Variants in ERP44 observed in about 807,000 individuals in gnomAD.
ERP44 encodes endoplasmic reticulum protein 44.
Under a neutral mutation model 53.4 loss-of-function variants are expected in ERP44, and 25 were observed. The observed-to-expected ratio is 0.47, with a 90% confidence interval of 0.34 to 0.65. The LOEUF is 0.65. Ranked by LOEUF, ERP44 falls within the 30% of genes least tolerant of loss-of-function variation. The pLI, the probability that ERP44 is intolerant of heterozygous loss-of-function variation, is 0.01. For synonymous variants in ERP44, 145 were observed against 161.2 expected (o/e 0.90, Z 0.76); for missense variants, 338 against 493.2 (o/e 0.69, Z 2.98).
intron 2 of ERP44, among the ~76,000 whole-genome samples, chr9:100,059,075 G>A (rs1826114657): frequency 6.6e-6 from 1 of 152,068 alleles, no homozygotes; most frequent in Non-Finnish European, 1.5e-5. Context: ...TCTGATACAT[G>A]CTAAAGTTCA....
chr9:100,017,365 C>T (rs1383453986), intron 7 of ERP44, among the ~76,000 whole-genome samples: 1 of 152,156 alleles, frequency 6.6e-6, no homozygotes, highest in Non-Finnish European at 1.5e-5. Flanking sequence ...GAAGGTGGCA[C>T]ATTTGACATT....
At chr9:99,998,821 T>A in intron 10 of ERP44, 1 of 1,132,452 alleles carries the variant, frequency 8.8e-7, no homozygotes, top group Admixed American at 2.1e-5. Flanking sequence ...GCTTTTCTAA[T>A]TTTCTATTTT....
chr9:100,040,021 A>G (rs1825885551), intron 4 of ERP44, among the ~76,000 whole-genome samples: 1 of 152,112 alleles, frequency 6.6e-6, no homozygotes, highest in Admixed American at 6.5e-5. Context: ...GATCGAAGCC[A>G]TAATAAGAAA....
chr9:100,072,248 C>A (rs982370414), intron 1 of ERP44, among the ~76,000 whole-genome samples: 9 of 152,140 alleles, frequency 5.9e-5, no homozygotes, highest in African/African-American at 2.2e-4. Flanking sequence ...GCACTTTTAC[C>A]AAAAAGCTAA....
At chr9:100,020,441 A>T (rs888465867) in intron 6 of ERP44, among the ~76,000 whole-genome samples, 175 bp downstream of exon 6, 1 of 152,222 alleles carries the variant, frequency 6.6e-6, no homozygotes, top group African/African-American at 2.4e-5. Context: ...AGAAAGAAAA[A>T]CAGACTTTTA....
At chr9:99,991,407 T>TGAA (rs1221205325) in intron 10 of ERP44, among the ~76,000 whole-genome samples, 3 of 152,214 alleles carry the variant, frequency 2.0e-5, no homozygotes, top group Non-Finnish European at 2.9e-5. Flanking sequence ...AACCTGCTCC[T>TGAA]GAATGACTAC....
intron 3 of ERP44, 121 bp from the exon 4 acceptor site, chr9:100,052,653 A>T (rs891056686): frequency 5.9e-6 from 3 of 512,754 alleles, no homozygotes; most frequent in Non-Finnish European, 1.0e-5. Flanking sequence ...ATAATCACAC[A>T]CTTAATTTAA....
intron 10 of ERP44, among the ~76,000 whole-genome samples, chr9:99,993,462 T>C (rs2118610577): frequency 6.6e-6 from 1 of 152,274 alleles, no homozygotes; most frequent in East Asian, 1.9e-4. Context: ...TAGCCATATA[T>C]AGAAAGCTGA....
intron 3 of ERP44, 89 bp from the exon 4 acceptor site, chr9:100,052,621 G>A: frequency 3.6e-6 from 2 of 555,766 alleles, no homozygotes; most frequent in East Asian, 6.8e-5. Flanking sequence ...TTTGATATAG[G>A]CATAATAAAC....
At chr9:100,003,837 G>C (rs10760711) in intron 10 of ERP44, among the ~76,000 whole-genome samples, 70,620 of 151,972 alleles carry the variant, frequency 0.46, 17,716 homozygotes, top group East Asian at 0.9. Context: ...ACAGGGGCTG[G>C]CCTGGAGCCT....
Position 100,000,290 on chromosome 9 carries a change from T to G in ERP44, c.1016+6216A>C, listed in dbSNP as rs1830362489. 3.3e-5 allele frequency among the ~76,000 whole-genome samples: 5 copies of G among 151,662 alleles called. No homozygotes were observed. The South Asian group carries it at 1.0e-3, about 32-fold the overall frequency. ...TCTCTATAAAAAGTAAAAAAAAAATTAGGTGGGCATGGTGGCACATGCCTG... is the reference window on the plus strand; with the variant it reads ...TCTCTATAAAAAGTAAAAAAAAAATGAGGTGGGCATGGTGGCACATGCCTG... On this transcript the variant is annotated intron_variant, in intron 10 of 11. Coordinates refer to ENST00000262455, the MANE Select transcript of ERP44 (RefSeq NM_015051.3).
At chr9:100,098,643 T>G (rs1587990537) in intron 1 of ERP44, 141 bp downstream of exon 1, 10 of 626,378 alleles carry the variant, frequency 1.6e-5, no homozygotes, top group South Asian at 2.1e-5. Context: ...CAGGCGAGAG[T>G]GAGGGCAGCG....
rs1294392179 is a variant in ERP44, at chr9:99,998,366, T to C, written c.1016+8140A>G. ...CCTTTTGCCTTGCAGTTCCTCCCGC[T>C]TCCGCCACACGCGAGCTCCCGGATC... On this transcript the variant is annotated intron_variant, in intron 10 of 11. Transcript: ENST00000262455. 5 of 591,216 alleles carry C rather than the reference T, an allele frequency of 8.5e-6. No individual in the cohort carries two copies. In the Admixed American group the frequency reaches 1.5e-4, roughly 17 times the overall value. 36.6% of individuals were successfully genotyped at this position (591,216 alleles called of 1,614,324 possible).
At chr9:100,041,325 G>C (rs535697102) in intron 4 of ERP44, among the ~76,000 whole-genome samples, 2 of 151,806 alleles carry the variant, frequency 1.3e-5, no homozygotes, top group South Asian at 4.2e-4. Flanking sequence ...GGCAAAAATC[G>C]CAATTACTTT....
At chr9:100,052,629 A>AC in intron 3 of ERP44, 97 bp from the exon 4 acceptor site, 5 of 489,634 alleles carry the variant, frequency 1.0e-5, no homozygotes, top group African/African-American at 2.0e-5. Context: ...AGGCATAATA[A>AC]ACGACTCTGC....
At chr9:99,989,565 G>A (rs1294503928) in intron 10 of ERP44, among the ~76,000 whole-genome samples, 1 of 152,170 alleles carries the variant, frequency 6.6e-6, no homozygotes, top group Non-Finnish European at 1.5e-5. Flanking sequence ...GCCAAAAGTA[G>A]ATAAAACCAC....
intron 4 of ERP44, among the ~76,000 whole-genome samples, chr9:100,039,639 C>A (rs1351455289): frequency 6.6e-6 from 1 of 151,652 alleles, no homozygotes; most frequent in Non-Finnish European, 1.5e-5. Context: ...TCAAACCAAA[C>A]CCAAAATTAG....
chr9:100,068,329 G>A (rs1826251579), intron 1 of ERP44, among the ~76,000 whole-genome samples: 2 of 140,130 alleles, frequency 1.4e-5, no homozygotes, highest in South Asian at 2.2e-4. Flanking sequence ...CCGGGAGGGA[G>A]GTGGGGGGGT....
chr9:100,079,413 T>TAC (rs58110423), intron 1 of ERP44, among the ~76,000 whole-genome samples: 21,561 of 137,092 alleles, frequency 0.16, 1,915 homozygotes, highest in East Asian at 0.43. Flanking sequence ...AACTCCCCTT[T>TAC]ACACACACAC....
Sources: gnomAD v4.1 joint callset for allele counts (sites outside exome capture counted in the v4.1 genomes callset) on GRCh38, gnomAD v4.1.1 for gene constraint, MANE v1.5 for transcripts, NCBI Gene and HGNC (gene_info 2026-07-23, HGNC 2026-07-21) for gene names.